OR1J2: variants seen among roughly 807,000 people sequenced by gnomAD.
OR1J2 encodes olfactory receptor 1J2.
For synonymous variants in OR1J2, 142 were observed against 99.7 expected, an observed-to-expected ratio of 1.42 and a Z score of -2.52; for missense variants, 304 against 246.1, an observed-to-expected ratio of 1.24 and a Z score of -1.57.
chr9:122,464,253 C>T, the OR1J2 span, among the ~76,000 whole-genome samples: 3 of 152,208 alleles, frequency 2.0e-5, no homozygotes, highest in Non-Finnish European at 4.4e-5. Flanking sequence ...TCACCCAGAT[C>T]CCATGCAGCC....
chr9:122,514,808 G>T (rs186847626), downstream of OR1J2, among the ~76,000 whole-genome samples: 49 of 152,160 alleles, frequency 3.2e-4, no homozygotes, highest in Non-Finnish European at 6.3e-4. Flanking sequence ...TCTCTTTTTG[G>T]ACTTAAATTC....
At chr9:122,543,073 T>C in the OR1J2 span, among the ~76,000 whole-genome samples, 1 of 152,242 alleles carries the variant, frequency 6.6e-6, no homozygotes, top group South Asian at 2.1e-4. Context: ...TAAATACCTA[T>C]GTACAAACTT....
chr9:122,536,224 C>A, the OR1J2 span, among the ~76,000 whole-genome samples: 1 of 152,100 alleles, frequency 6.6e-6, no homozygotes, highest in African/African-American at 2.4e-5. Flanking sequence ...TTGCTGCCCC[C>A]TTACAACAAG....
chr9:122,562,901 A>G, the OR1J2 span, among the ~76,000 whole-genome samples: 17 of 152,254 alleles, frequency 1.1e-4, no homozygotes, highest in African/African-American at 3.9e-4. Context: ...TATAGCACTT[A>G]AAAAAATCCG....
chr9:122,546,097 A>T, the OR1J2 span, among the ~76,000 whole-genome samples: 1 of 152,112 alleles, frequency 6.6e-6, no homozygotes, highest in Non-Finnish European at 1.5e-5. Context: ...GTACACAGGG[A>T]ACTGCATCTG....
chr9:122,502,210 G>C, the OR1J2 span, among the ~76,000 whole-genome samples: 1 of 152,186 alleles, frequency 6.6e-6, no homozygotes, highest in East Asian at 1.9e-4. Flanking sequence ...TGAGTGGGGA[G>C]TTCTCAGAGT....
downstream of OR1J2, chr9:122,511,829 A>G (rs1588190538): frequency 6.9e-6 from 5 of 721,670 alleles, no homozygotes; most frequent in Non-Finnish European, 1.3e-5. Flanking sequence ...AAAACATGTT[A>G]TGTCCTGAAG....
chr9:122,573,685 A>T, the OR1J2 span, among the ~76,000 whole-genome samples: 1 of 152,170 alleles, frequency 6.6e-6, no homozygotes, highest in Non-Finnish European at 1.5e-5. Flanking sequence ...TTCTCCCAGT[A>T]TGTGGCTTAT....
At chr9:122,564,138 T>G in the OR1J2 span, among the ~76,000 whole-genome samples, 1 of 152,148 alleles carries the variant, frequency 6.6e-6, no homozygotes, top group Admixed American at 6.5e-5. Context: ...TGATGTTGAT[T>G]CCAGGAGACA....
the OR1J2 span, among the ~76,000 whole-genome samples, chr9:122,490,388 C>G: frequency 6.6e-6 from 1 of 152,132 alleles, no homozygotes; most frequent in Non-Finnish European, 1.5e-5. Flanking sequence ...CTTATTATAT[C>G]AATTTGCTTA....
At chr9:122,510,691 C>G, upstream of OR1J2, 1 of 690,376 alleles carries the variant, frequency 1.4e-6, no homozygotes, top group South Asian at 2.1e-5. Context: ...TTGTTCCTCT[C>G]CCTGTGTCTA....
At chr9:122,489,905 C>T in the OR1J2 span, among the ~76,000 whole-genome samples, 18 of 152,234 alleles carry the variant, frequency 1.2e-4, 1 homozygote, top group Admixed American at 6.5e-4. Flanking sequence ...ACCACACCTA[C>T]GATAGCTTTG....
At chr9:122,482,268 A>G in the OR1J2 span, among the ~76,000 whole-genome samples, 3 of 152,192 alleles carry the variant, frequency 2.0e-5, no homozygotes, top group African/African-American at 7.2e-5. Flanking sequence ...TATATGGAAA[A>G]CCACTTATAT....
At chr9:122,531,376 T>G in the OR1J2 span, among the ~76,000 whole-genome samples, 2 of 152,154 alleles carry the variant, frequency 1.3e-5, no homozygotes, top group Non-Finnish European at 2.9e-5. Flanking sequence ...AAACTGGCAG[T>G]GTAAACAAGA....
the OR1J2 span, among the ~76,000 whole-genome samples, chr9:122,457,950 T>G: frequency 2.6e-5 from 4 of 152,222 alleles, no homozygotes; most frequent in Non-Finnish European, 5.9e-5. Context: ...TTTCTTATAC[T>G]TAAGACTGTA....
upstream of OR1J2, chr9:122,510,759 A>G (rs766879578): frequency 8.9e-7 from 1 of 1,118,432 alleles, no homozygotes; most frequent in Non-Finnish European, 1.3e-6. Flanking sequence ...AGAGCCTCTA[A>G]TATTCTCAAG....
At chr9:122,456,581 A>G in the OR1J2 span, among the ~76,000 whole-genome samples, 1 of 152,244 alleles carries the variant, frequency 6.6e-6, no homozygotes, top group Non-Finnish European at 1.5e-5. Flanking sequence ...CACACACACG[A>G]AAGAATACAG....
the OR1J2 span, chr9:122,567,487 C>T: frequency 7.9e-7 from 1 of 1,261,668 alleles, no homozygotes; most frequent in Non-Finnish European, 1.1e-6. Flanking sequence ...CACCAGAAAC[C>T]AGTAGAAAAC....
chr9:122,459,519 C>T, the OR1J2 span, among the ~76,000 whole-genome samples: 1 of 152,174 alleles, frequency 6.6e-6, no homozygotes, highest in Non-Finnish European at 1.5e-5. Flanking sequence ...CCAGTGAACT[C>T]TGTTTCTAAG....
Sources: gnomAD v4.1 joint callset for allele counts (sites outside exome capture counted in the v4.1 genomes callset) on GRCh38, gnomAD v4.1.1 for gene constraint, MANE v1.5 for transcripts, NCBI Gene and HGNC (gene_info 2026-07-23, HGNC 2026-07-21) for gene names.